ZNF729: variants seen among roughly 807,000 people sequenced by gnomAD.
ZNF729 encodes the protein zinc finger protein 729.
Under a neutral mutation model 12.2 loss-of-function variants are expected in ZNF729, and 15 were observed. The observed-to-expected ratio is 1.23, with a 90% CI of 0.82 to 1.89. The LOEUF (loss-of-function observed/expected upper bound fraction) is 1.89. ZNF729 is among the 40% of genes most tolerant of loss of function. The pLI, the probability that ZNF729 is intolerant of heterozygous loss-of-function variation, is 0.00. For missense variants in ZNF729, 1,540 were observed against 1,456.7 expected, an observed-to-expected ratio of 1.06 and a Z score of -0.93; for synonymous variants, 492 against 476.3, an observed-to-expected ratio of 1.03 and a Z score of -0.43.
chr19:22,286,626 C>T lies in ZNF729; in HGVS notation c.30+71C>T, dbSNP rs1358474511. 1.9e-6 allele frequency: 3 copies of T among 1,592,248 alleles called. No individual in the cohort carries two copies. In the African/African-American group the frequency reaches 4.0e-5, roughly 21 times the overall value. On this transcript the variant is annotated intron_variant, in intron 1 of 3. Coordinates refer to ENST00000601693, the MANE Select transcript of ZNF729 (RefSeq NM_001242680.2). ...TGGAACCGGTGGGAAGTGGCTGTGG[C>T]GGGACTCCGGCCTCCCCGCAGTCAG...
At chr19:22,305,330 T>C (rs1001510778) in intron 3 of ZNF729, among the ~76,000 whole-genome samples, 2 of 152,214 alleles carry the variant, frequency 1.3e-5, no homozygotes, top group Non-Finnish European at 2.9e-5. Context: ...GATATTTTTC[T>C]GTATGCAAAA....
intron 3 of ZNF729, among the ~76,000 whole-genome samples, chr19:22,305,188 G>A (rs573465479): frequency 1.8e-4 from 27 of 151,984 alleles, no homozygotes; most frequent in African/African-American, 6.0e-4. Context: ...GTTCCTTTTC[G>A]CCTTCCACTG....
At chr19:22,298,431 T>G (rs1362442869) in intron 1 of ZNF729, among the ~76,000 whole-genome samples, 2 of 152,190 alleles carry the variant, frequency 1.3e-5, no homozygotes, top group Non-Finnish European at 2.9e-5. Flanking sequence ...CAAATAAAAT[T>G]TACTACCAAA....
In ZNF729 at chr19:22,313,678, T is replaced by C; in HGVS notation, c.261T>C (p.Arg87=). The change falls in exon 4 of 4, where the codon CGT becomes CGC. Residue 87 remains arginine, a synonymous_variant. Coordinates refer to ENST00000601693, the MANE Select transcript of ZNF729 (RefSeq NM_001242680.2). The part of the protein sequence containing the change: ...HEMVTKPPVM[R]SHFTQDLWPD... ...TATTTTTATTTCTTCTAGTTATGCG[T>C]TCTCATTTTACACAAGACCTTTGGC... 1 of 1,481,932 alleles carries C rather than the reference T, an allele frequency of 6.7e-7. No individual in the cohort carries two copies. Among genetic ancestry groups the C allele is most frequent in the Non-Finnish European group, 8.9e-7 (1 of 1,122,216 alleles). The allele number at this position is 1,481,932 out of a possible 1,614,324, so 91.8% of individuals were successfully genotyped here.
intron 3 of ZNF729, among the ~76,000 whole-genome samples, chr19:22,309,451 AAAAG>A (rs1454343029): frequency 3.3e-5 from 5 of 152,126 alleles, no homozygotes; most frequent in African/African-American, 1.2e-4. Flanking sequence ...TCTCAGAAAA[AAAAG>A]AAAAGAGTAT....
At chr19:22,306,776 C>T (rs530192316) in intron 3 of ZNF729, among the ~76,000 whole-genome samples, 12 of 151,202 alleles carry the variant, frequency 7.9e-5, no homozygotes, top group African/African-American at 1.4e-4. Flanking sequence ...CAGATTTATG[C>T]AGATTTACAT....
At chr19:22,306,622 T>C (rs16998950) in intron 3 of ZNF729, among the ~76,000 whole-genome samples, 6,221 of 150,850 alleles carry the variant, frequency 0.041, 166 homozygotes, top group African/African-American at 0.072. Context: ...TTTGTAGTTA[T>C]CTTGAAAAAC....
intron 1 of ZNF729, among the ~76,000 whole-genome samples, chr19:22,302,837 G>C (rs1030790690): frequency 2.4e-5 from 3 of 123,746 alleles, no homozygotes; most frequent in African/African-American, 9.1e-5. Context: ...TTTCTAGAGC[G>C]GGAGTGCAGT....
intron 3 of ZNF729, among the ~76,000 whole-genome samples, chr19:22,308,305 G>C (rs1328326443): frequency 6.6e-6 from 1 of 152,084 alleles, no homozygotes; most frequent in Non-Finnish European, 1.5e-5. Context: ...CCATGATTTT[G>C]CTATTGTGAA....
chr19:22,306,693 A>G (rs73552314), intron 3 of ZNF729, among the ~76,000 whole-genome samples: 6,233 of 151,344 alleles, frequency 0.041, 166 homozygotes, highest in African/African-American at 0.072. Flanking sequence ...AACAATTTCA[A>G]TGGAACAAAA....
At position 22,306,878 on chromosome 19, in the gene ZNF729, TAGAA is replaced by T. The variant is rs1476287784; in HGVS notation, c.253+2098_253+2101del. ...TATATGTCTGTATATTTACATTTAA[TAGAA>T]AGCTTTTTTTATGTTATCTAGAATC... On this transcript the variant is annotated intron_variant, in intron 3 of 3. Coordinates refer to ENST00000601693, the MANE Select transcript of ZNF729 (RefSeq NM_001242680.2). Among the ~76,000 whole-genome samples the T allele has an allele frequency of 3.1e-4, 47 of 151,820 alleles. 1 individual carries two copies. The highest frequency in any genetic ancestry group is 8.4e-4 in the African/African-American group (35 of 41,530).
At chr19:22,292,024 G>T (rs1481955627) in intron 1 of ZNF729, among the ~76,000 whole-genome samples, 2 of 152,084 alleles carry the variant, frequency 1.3e-5, no homozygotes, top group East Asian at 1.9e-4. Flanking sequence ...GAGCCACTGT[G>T]CCCAGCCAGC....
chr19:22,304,035 A>ATT (rs34014506), intron 2 of ZNF729, among the ~76,000 whole-genome samples, 151 bp downstream of exon 2: 2,278 of 129,344 alleles, frequency 0.018, 76 homozygotes, highest in African/African-American at 0.054. Flanking sequence ...GTAGAAAGGA[A>ATT]TTTTTTTTTT....
In ZNF729 at chr19:22,315,009, T is replaced by C. The variant is rs1418610354; in HGVS notation, c.1592T>C (p.Leu531Pro). Reference protein sequence around the residue: ...CGKAFSQSSTLRNHQIIHTGE... With the variant: ...CGKAFSQSSTPRNHQIIHTGE... ...AAAGCTTTTAGCCAGTCCTCAACCC[T>C]TAGAAACCATCAGATAATTCATACT... Residue 531 changes from leucine to proline, a missense_variant, in exon 4 of 4, where the codon CTT becomes CCT. By Grantham distance (98) the Leu-to-Pro change is moderately conservative. Coordinates refer to ENST00000601693, the MANE Select transcript of ZNF729 (RefSeq NM_001242680.2). 6.2e-7 allele frequency: 1 copy of C among 1,611,730 alleles called. No homozygotes were observed. The highest frequency in any genetic ancestry group is 8.5e-7 in the Non-Finnish European group (1 of 1,179,768).
intron 3 of ZNF729, among the ~76,000 whole-genome samples, chr19:22,309,551 T>C (rs1358683930): frequency 6.6e-6 from 1 of 152,202 alleles, no homozygotes; most frequent in Non-Finnish European, 1.5e-5. Context: ...TCTCTATTCT[T>C]TTCCATTGGT....
Position 22,298,544 on chromosome 19 carries a change from G to A in ZNF729, c.31-5214G>A, listed in dbSNP as rs193134123. Among the ~76,000 whole-genome samples the A allele has an allele frequency of 1.4e-3, 199 of 143,214 alleles. 1 individual carries two copies. Among genetic ancestry groups the A allele is most frequent in the East Asian group, 6.2e-3 (32 of 5,170 alleles). The allele number at this position is 143,214 out of a possible 152,430, so 94.0% of individuals were successfully genotyped here. A position where few individuals can be genotyped will look rare whatever the true frequency, so the allele number is the denominator to read the frequency against. Reference sequence around the variant, plus strand: ...GTCTTCTTTTTTGAGACAGAGTTTCGCTCTTGTCACCCCGGCTGGAGTGCA... The same window carrying A: ...GTCTTCTTTTTTGAGACAGAGTTTCACTCTTGTCACCCCGGCTGGAGTGCA... On this transcript the variant is annotated intron_variant, in intron 1 of 3. Transcript: ENST00000601693.
intron 3 of ZNF729, among the ~76,000 whole-genome samples, chr19:22,306,258 G>C (rs1280711380): frequency 6.6e-6 from 1 of 151,922 alleles, no homozygotes; most frequent in African/African-American, 2.4e-5. Flanking sequence ...GGCCAACATA[G>C]AGAAACCCCG....
chr19:22,305,881 G>A lies in ZNF729; in HGVS notation c.253+1098G>A, dbSNP rs113007464. Among the ~76,000 whole-genome samples the A allele has an allele frequency of 3.0e-3, 452 of 152,198 alleles. 4 individuals carry two copies. The highest frequency in any genetic ancestry group is 0.011 in the African/African-American group (440 of 41,536). The stretch of plus-strand genomic sequence containing the variant: ...AATGGTGTGATCATGGCAGTGAGCT[G>A]CAGCCTCAGCCTCTCAAACTCAGAT... On this transcript the variant is annotated intron_variant, in intron 3 of 3. Coordinates refer to ENST00000601693, the MANE Select transcript of ZNF729 (RefSeq NM_001242680.2).
chr19:22,311,737 G>T (rs1436385623), intron 3 of ZNF729, among the ~76,000 whole-genome samples: 1 of 152,134 alleles, frequency 6.6e-6, no homozygotes, highest in Non-Finnish European at 1.5e-5. Flanking sequence ...TAAATCCATT[G>T]TTTATTTGTT....
Sources: gnomAD v4.1 joint callset for allele counts (sites outside exome capture counted in the v4.1 genomes callset) on GRCh38, gnomAD v4.1.1 for gene constraint, MANE v1.5 for transcripts, NCBI Gene and HGNC (gene_info 2026-07-23, HGNC 2026-07-21) for gene names.